Variants in ARHGAP12 observed in about 807,000 individuals in gnomAD.
The protein encoded by ARHGAP12 is rho GTPase-activating protein 12.
In ARHGAP12, 64 loss-of-function variants were observed where a neutral mutation model predicts 108.6. The ratio of observed to expected loss-of-function variants is 0.59; its 90% CI spans 0.48 to 0.73. The LOEUF (loss-of-function observed/expected upper bound fraction) is 0.73, where lower values mean the gene tolerates loss of function less well. Among genes scored for constraint, ARHGAP12 ranks in the 30% least tolerant of loss-of-function variants. The probability of loss-of-function intolerance (pLI) is 0.00; values close to 1 mark genes in which losing one functional copy is unlikely to be tolerated. For synonymous variants in ARHGAP12, 312 were observed against 337.2 expected, an observed-to-expected ratio of 0.93 and a Z score of 0.82; for missense variants, 940 against 1,005.9, an observed-to-expected ratio of 0.93 and a Z score of 0.89.
chr10:31,910,281 G>T (rs1216806385), intron 2 of ARHGAP12, among the ~76,000 whole-genome samples: 1 of 152,124 alleles, frequency 6.6e-6, no homozygotes, highest in Non-Finnish European at 1.5e-5. Context: ...CAAACCCAAG[G>T]TTCCATAACA....
intron 3 of ARHGAP12, among the ~76,000 whole-genome samples, chr10:31,889,843 C>G (rs1042763092): frequency 6.6e-6 from 1 of 151,422 alleles, no homozygotes; most frequent in Admixed American, 6.6e-5. Flanking sequence ...CTCAGCCTCC[C>G]AAAGTGGTGG....
At chr10:31,852,733 T>A in intron 5 of ARHGAP12, 136 bp from the exon 6 acceptor site, 7 of 240,236 alleles carry the variant, frequency 2.9e-5, no homozygotes, top group East Asian at 1.1e-4. Context: ...AAAATTCTTT[T>A]TTTTTTTTTT....
At chr10:31,821,494 A>G (rs1022787473) in intron 11 of ARHGAP12, among the ~76,000 whole-genome samples, 20 of 152,186 alleles carry the variant, frequency 1.3e-4, no homozygotes, top group Admixed American at 1.3e-3. Context: ...TCTGTTATAA[A>G]TATTTCCTAC....
intron 1 of ARHGAP12, among the ~76,000 whole-genome samples, chr10:31,917,278 C>T (rs1205520724): frequency 6.6e-6 from 1 of 151,764 alleles, no homozygotes; most frequent in East Asian, 1.9e-4. Flanking sequence ...CGTGGTAGCA[C>T]GTGCCTGTAA....
At chr10:31,842,810 C>G (rs181869051) in intron 7 of ARHGAP12, among the ~76,000 whole-genome samples, 133 of 152,154 alleles carry the variant, frequency 8.7e-4, no homozygotes, top group African/African-American at 2.9e-3. Flanking sequence ...CAAATTCATA[C>G]TAAGTTCCCA....
At chr10:31,833,985 G>A (rs1835924548) in intron 9 of ARHGAP12, among the ~76,000 whole-genome samples, 1 of 152,146 alleles carries the variant, frequency 6.6e-6, no homozygotes, top group Non-Finnish European at 1.5e-5. Flanking sequence ...TACTATAAGA[G>A]ATGATAAAGA....
intron 8 of ARHGAP12, 22 bp downstream of exon 8, chr10:31,839,615 G>T: frequency 6.4e-7 from 1 of 1,568,140 alleles, no homozygotes. Flanking sequence ...TACATTATAA[G>T]ATATGCTTCT....
chr10:31,909,073 A>G (rs2132458978), intron 2 of ARHGAP12, 147 bp from the exon 3 acceptor site: 1 of 515,118 alleles, frequency 1.9e-6, no homozygotes, highest in Non-Finnish European at 3.4e-6. Context: ...TGTGTCTACT[A>G]TCATATGCAC....
rs758651167 is a variant in ARHGAP12, at chr10:31,908,505, T to C, written c.351A>G (p.Gly117=). 3 of 1,614,258 alleles carry C rather than the reference T, an allele frequency of 1.9e-6. No individual in the cohort carries two copies. In the East Asian group the frequency reaches 6.7e-5, roughly 36 times the overall value. Residue 117 remains glycine (G), a synonymous_variant, in exon 3 of 20, where the codon GGA becomes GGG. Transcript: ENST00000344936. Reference sequence around the variant, plus strand: ...TTCCTTGAACAGATGACGATGGCTTTCCGAAACTTGAAAGCTCAGGCAATT... The same window carrying C: ...TTCCTTGAACAGATGACGATGGCTTCCCGAAACTTGAAAGCTCAGGCAATT... ...VNKLPELSSF[G]KPSSSVQGTG... is the part of the protein sequence containing the mutation.
At chr10:31,847,838 G>T (rs1326189015) in intron 6 of ARHGAP12, among the ~76,000 whole-genome samples, 1 of 152,118 alleles carries the variant, frequency 6.6e-6, no homozygotes. Context: ...AACATGTTCT[G>T]CACAGCACAT....
At chr10:31,924,764 T>C (rs573332154) in intron 1 of ARHGAP12, among the ~76,000 whole-genome samples, 17 of 152,202 alleles carry the variant, frequency 1.1e-4, no homozygotes, top group African/African-American at 4.1e-4. Flanking sequence ...GAGTCAGAGG[T>C]CTAAATTTTA....
chr10:31,908,368 G>C lies in ARHGAP12; in HGVS notation c.488C>G (p.Ser163Ter). 1.9e-6 allele frequency: 3 copies of C among 1,614,180 alleles called. No homozygotes were observed. Among genetic ancestry groups the C allele is most frequent in the Non-Finnish European group, 2.5e-6 (3 of 1,180,034 alleles). The change falls in exon 3 of 20, where the codon TCA (serine) becomes TGA (stop). Residue 163 changes from serine to a stop codon, truncating the protein, a stop_gained. Transcript: ENST00000344936. LOFTEE classifies it high-confidence loss of function. ...THNNGKFNND[S>*]HSPKVSSQNR... is the part of the protein sequence containing the mutation. ...CTGGCTGGAAACTTTAGGAGAATGT[G>C]AGTCATTGTTAAACTTTCCGTTATT...
intron 1 of ARHGAP12, among the ~76,000 whole-genome samples, chr10:31,921,763 CAAAAAAAAAAAAAAAAA>C (rs57420280): frequency 2.6e-5 from 1 of 37,916 alleles, no homozygotes; most frequent in African/African-American, 8.5e-5. Flanking sequence ...GGCTCCATCT[CAAAAAAAAAAAAAAAAA>C]AAAAAAAAAA....
At chr10:31,859,437 C>T (rs367861611) in intron 4 of ARHGAP12, among the ~76,000 whole-genome samples, 39 of 151,534 alleles carry the variant, frequency 2.6e-4, no homozygotes, top group African/African-American at 9.2e-4. Context: ...GGAATACTAT[C>T]AATTAAATAT....
intron 3 of ARHGAP12, among the ~76,000 whole-genome samples, chr10:31,896,196 A>G (rs1838684809): frequency 6.6e-6 from 1 of 151,898 alleles, no homozygotes; most frequent in South Asian, 2.1e-4. Context: ...TATGTAACAA[A>G]CCTGCACATT....
intron 12 of ARHGAP12, among the ~76,000 whole-genome samples, chr10:31,818,369 T>C (rs781203086): frequency 5.3e-5 from 8 of 152,208 alleles, no homozygotes; most frequent in Non-Finnish European, 1.2e-4. Flanking sequence ...TATAATGGCT[T>C]AGTACAAAGA....
chr10:31,824,488 T>C (rs922034347), intron 11 of ARHGAP12, among the ~76,000 whole-genome samples: 3 of 152,178 alleles, frequency 2.0e-5, no homozygotes, highest in Non-Finnish European at 4.4e-5. Flanking sequence ...AACAAAGTAA[T>C]ACAACCTTGG....
rs3028478 is a variant in ARHGAP12, at chr10:31,805,648, TCACACACACACACACACACACA to T, written c.*1988_*2009del. ...GTAGACTAATAAAACATTTAAGACT[TCACACACACACACACACACACA>T]CACACACACACACACGTACCTTGAA... is the stretch of plus-strand genomic sequence containing the variant. On this transcript the variant is annotated 3_prime_UTR_variant, in exon 20 of 20. Transcript: ENST00000344936. The T allele has an allele frequency of 6.9e-6, 1 of 144,090 alleles. No homozygotes were observed. The highest frequency in any genetic ancestry group is 1.5e-5 in the Non-Finnish European group (1 of 66,498). 8.9% of individuals were successfully genotyped at this position (144,090 alleles called of 1,614,324 possible).
At chr10:31,832,166 T>TAC (rs1453209996) in intron 9 of ARHGAP12, among the ~76,000 whole-genome samples, 3 of 152,344 alleles carry the variant, frequency 2.0e-5, no homozygotes, top group Middle Eastern at 3.4e-3. Flanking sequence ...AGGAATGATT[T>TAC]ACTTTGCTGT....
Sources: allele counts gnomAD v4.1 joint callset (sites outside exome capture counted in the v4.1 genomes callset), GRCh38; gene constraint gnomAD v4.1.1; transcripts MANE v1.5; gene names NCBI Gene and HGNC (gene_info 2026-07-23, HGNC 2026-07-21).